The following NEDD4 variants were observed in gnomAD, a reference collection of about 807,000 sequenced individuals.
The protein encoded by NEDD4 is E3 ubiquitin-protein ligase NEDD4.
Under a neutral mutation model 144.9 loss-of-function variants are expected in NEDD4, and 99 were observed. The ratio of observed to expected loss-of-function variants is 0.68; its 90% confidence interval spans 0.58 to 0.81. The LOEUF (loss-of-function observed/expected upper bound fraction) is 0.81. NEDD4 is among the 30% of genes least tolerant of loss of function. NEDD4 has a pLI of 0.00. For synonymous variants in NEDD4, 318 were observed against 350.6 expected (o/e 0.91, Z 1.04); for missense variants, 985 against 1,065.9 (o/e 0.92, Z 1.06).
intron 4 of NEDD4, among the ~76,000 whole-genome samples, chr15:55,935,643 C>T (rs997419345): frequency 3.3e-5 from 5 of 151,834 alleles, no homozygotes; most frequent in African/African-American, 4.8e-5. Context: ...GTCAGGAGAT[C>T]GAGACCATCC....
chr15:55,986,380 G>A (rs1160052608), intron 1 of NEDD4, among the ~76,000 whole-genome samples: 1 of 152,144 alleles, frequency 6.6e-6, no homozygotes, highest in Non-Finnish European at 1.5e-5. Context: ...ACACCAAGGT[G>A]ACCAAGTGAT....
chr15:55,855,228 T>C (rs1264197343), intron 12 of NEDD4, among the ~76,000 whole-genome samples: 3 of 152,182 alleles, frequency 2.0e-5, no homozygotes, highest in East Asian at 1.9e-4. Flanking sequence ...TTGGAGACTC[T>C]GCATTCCTGT....
chr15:55,866,261 C>G (rs2414447), intron 8 of NEDD4, among the ~76,000 whole-genome samples: 22 of 151,480 alleles, frequency 1.5e-4, no homozygotes, highest in Middle Eastern at 3.4e-3. Context: ...AAGAATTGTT[C>G]TCTCTATTTT....
intron 5 of NEDD4, chr15:55,915,973 G>T (rs1421541316): frequency 6.2e-7 from 1 of 1,613,724 alleles, no homozygotes; most frequent in Non-Finnish European, 8.5e-7. Context: ...TTGCTCAGAA[G>T]AGTACACAGA....
At chr15:55,971,916 C>T (rs12591227) in intron 1 of NEDD4, among the ~76,000 whole-genome samples, 22,606 of 152,108 alleles carry the variant, frequency 0.15, 1,822 homozygotes, top group East Asian at 0.32. Flanking sequence ...AGCTCCAATA[C>T]ATCTGGCAGC....
chr15:55,833,935 G>A, intron 26 of NEDD4, 103 bp downstream of exon 26: 1 of 822,490 alleles, frequency 1.2e-6, no homozygotes, highest in Admixed American at 2.3e-5. Context: ...ATATTTTTCT[G>A]TATCAGTTAA....
At position 55,938,602 on chromosome 15, in the gene NEDD4, T is replaced by C. The variant is rs1314505464; in HGVS notation, c.237+12774A>G. Among the ~76,000 whole-genome samples the C allele has an allele frequency of 3.3e-5, 5 of 151,916 alleles. No individual in the cohort carries two copies. In the East Asian group the frequency reaches 7.7e-4, roughly 23 times the overall value. ...AAAACAAAGGCAATGAAAGCAAAAA[T>C]TGACAAGTGCAGCTACATTTAACTA... On this transcript the variant is annotated intron_variant, in intron 4 of 28. Coordinates refer to ENST00000435532, the MANE Select transcript of NEDD4 (RefSeq NM_006154.4).
Position 55,837,832 on chromosome 15 carries a change from C to T in NEDD4, c.2219G>A (p.Arg740Gln), listed in dbSNP as rs772614059. The T allele has an allele frequency of 9.3e-6, 15 of 1,611,230 alleles. No individual in the cohort carries two copies. Among genetic ancestry groups the T allele is most frequent in the East Asian group, 2.2e-5 (1 of 44,798 alleles). The change falls in exon 24 of 29, where the codon CGA becomes CAA. Residue 740 changes from arginine (R) to glutamine (Q), a missense_variant. Coordinates refer to ENST00000435532, the MANE Select transcript of NEDD4 (RefSeq NM_006154.4). ...KEYIYLVIQW[R>Q]FVNRIQKQMA... Reference sequence around the variant, plus strand: ...TTGCTTCTGGATTCGGTTTACAAATCGCCATTGTATTACAAGACTAAAAAG... The same window carrying T: ...TTGCTTCTGGATTCGGTTTACAAATTGCCATTGTATTACAAGACTAAAAAG...
At position 55,882,489 on chromosome 15, in the gene NEDD4, G is replaced by A. The variant is rs145426537; in HGVS notation, c.292-8481C>T. On this transcript the variant is annotated intron_variant, in intron 5 of 28. Transcript: ENST00000435532. ...GTGGCATTTAGATCAGCCAGAGCCG[G>A]TGGAGAATTGTCCATCCTAGTGGTT... is the stretch of plus-strand genomic sequence containing the variant. Among the ~76,000 whole-genome samples the A allele has an allele frequency of 2.9e-3, 435 of 152,338 alleles. 3 individuals carry two copies. The highest frequency in any genetic ancestry group is 0.01 in the African/African-American group (416 of 41,578).
chr15:55,951,471 CAA>C, intron 3 of NEDD4, 38 bp downstream of exon 3: 1 of 1,425,748 alleles, frequency 7.0e-7, no homozygotes, highest in Non-Finnish European at 9.4e-7. Flanking sequence ...AAAAATAAAA[CAA>C]AGTACATTAA....
At chr15:55,908,558 A>G (rs2036173388) in intron 5 of NEDD4, among the ~76,000 whole-genome samples, 1 of 152,224 alleles carries the variant, frequency 6.6e-6, no homozygotes, top group Admixed American at 6.5e-5. Context: ...CTGGGGAATT[A>G]CCAGCATTGG....
chr15:55,948,976 C>T (rs1470976093), intron 4 of NEDD4, among the ~76,000 whole-genome samples: 2 of 152,154 alleles, frequency 1.3e-5, no homozygotes, highest in Non-Finnish European at 2.9e-5. Flanking sequence ...AACTAAAGAG[C>T]TTCTGCACAA....
intron 5 of NEDD4, among the ~76,000 whole-genome samples, chr15:55,879,796 G>T (rs948953305): frequency 6.6e-6 from 1 of 152,052 alleles, no homozygotes; most frequent in Non-Finnish European, 1.5e-5. Context: ...AGAGTTAGAA[G>T]ATAGAGTTAA....
intron 11 of NEDD4, among the ~76,000 whole-genome samples, chr15:55,856,889 C>T (rs1443723886): frequency 6.6e-6 from 1 of 152,178 alleles, no homozygotes; most frequent in Admixed American, 6.5e-5. Flanking sequence ...TTACAATGCA[C>T]ATACAAATTG....
At chr15:55,939,209 C>T (rs2036950278) in intron 4 of NEDD4, among the ~76,000 whole-genome samples, 1 of 152,194 alleles carries the variant, frequency 6.6e-6, no homozygotes. Flanking sequence ...CCCCACGTGT[C>T]AAGGGAGGGA....
intron 7 of NEDD4, 137 bp from the exon 8 acceptor site, chr15:55,869,818 G>T: frequency 6.0e-6 from 3 of 497,452 alleles, no homozygotes; most frequent in East Asian, 3.5e-5. Context: ...CAGGGCAGAA[G>T]ATATCTAGGG....
At chr15:55,852,645 G>T in intron 12 of NEDD4, 102 bp from the exon 13 acceptor site, 1 of 877,318 alleles carries the variant, frequency 1.1e-6, no homozygotes, top group Non-Finnish European at 1.7e-6. Flanking sequence ...TCAGCCCCAA[G>T]CAACCACTCA....
chr15:55,840,407 A>T, intron 21 of NEDD4, 40 bp downstream of exon 21: 1 of 1,533,320 alleles, frequency 6.5e-7, no homozygotes, highest in Non-Finnish European at 8.9e-7. Context: ...GCTGCTTGTT[A>T]AATTATACTT....
At chr15:55,895,549 T>C (rs752975150) in intron 5 of NEDD4, among the ~76,000 whole-genome samples, 2 of 152,236 alleles carry the variant, frequency 1.3e-5, no homozygotes, top group Non-Finnish European at 2.9e-5. Context: ...CAACCTAATC[T>C]AGAGTTTCAA....
Sources: allele counts gnomAD v4.1 joint callset (sites outside exome capture counted in the v4.1 genomes callset), GRCh38; gene constraint gnomAD v4.1.1; transcripts MANE v1.5; gene names NCBI Gene and HGNC (gene_info 2026-07-23, HGNC 2026-07-21).